The following TRIP4 variants were observed in gnomAD, a reference collection of about 807,000 sequenced individuals.
The protein encoded by TRIP4 is activating signal cointegrator 1.
In TRIP4, 54 loss-of-function variants were observed where a neutral mutation model predicts 81.8. That is an observed-to-expected ratio of 0.66 (90% CI 0.53 to 0.83). The LOEUF is 0.83. TRIP4 is among the 40% of genes least tolerant of loss of function. TRIP4 has a pLI of 0.00. For synonymous variants in TRIP4, 270 were observed against 242.8 expected, an observed-to-expected ratio of 1.11 and a Z score of -1.04; for missense variants, 662 against 683.6, an observed-to-expected ratio of 0.97 and a Z score of 0.35.
At chr15:64,435,444 G>T (rs943977392) in intron 11 of TRIP4, among the ~76,000 whole-genome samples, 8 of 150,068 alleles carry the variant, frequency 5.3e-5, no homozygotes, top group African/African-American at 2.0e-4. Flanking sequence ...GAGAATCCTT[G>T]GAACCTGGGT....
intron 12 of TRIP4, among the ~76,000 whole-genome samples, chr15:64,446,606 A>T (rs71409123): frequency 6.6e-6 from 1 of 150,598 alleles, no homozygotes; most frequent in Non-Finnish European, 1.5e-5. Context: ...GTTTCACCAT[A>T]TTGGCCAGGC....
chr15:64,410,021 T>G (rs1052205208), intron 7 of TRIP4, among the ~76,000 whole-genome samples, 193 bp downstream of exon 7: 2 of 151,426 alleles, frequency 1.3e-5, no homozygotes, highest in African/African-American at 2.4e-5. Context: ...TTTTTGTGGT[T>G]TGGTTTTTTT....
At chr15:64,399,143 G>A (rs1455751628) in intron 4 of TRIP4, among the ~76,000 whole-genome samples, 1 of 151,656 alleles carries the variant, frequency 6.6e-6, no homozygotes, top group Admixed American at 6.6e-5. Flanking sequence ...TAGAGACAGG[G>A]TTTCACCATA....
In TRIP4 at chr15:64,418,556, GGT is replaced by G; in HGVS notation, c.1188_1189del (p.Ala397SerfsTer35). 2 of 1,612,582 alleles carry G rather than the reference GGT, an allele frequency of 1.2e-6. No homozygotes were observed. The highest frequency in any genetic ancestry group is 1.7e-6 in the Non-Finnish European group (2 of 1,179,946). On this transcript the variant is annotated frameshift_variant, in exon 9 of 13. Transcript: ENST00000261884. LOFTEE classifies it high-confidence loss of function. ...QSPPQWVDHT[G>X]AASQKKAFRS... ...TTCTGTGTAGTGGGTTGACCACACA[GGT>G]GCAGCCTCACAGAAGAAGGCTTTCC...
intron 11 of TRIP4, among the ~76,000 whole-genome samples, chr15:64,430,687 C>G (rs1892249893): frequency 6.6e-6 from 1 of 152,130 alleles, no homozygotes; most frequent in African/African-American, 2.4e-5. Flanking sequence ...TCTGATTTGT[C>G]TGAAATCTCC....
In TRIP4 at chr15:64,406,249, T is replaced by C. The variant is rs542259371; in HGVS notation, c.698-81T>C. The C allele has an allele frequency of 2.8e-5, 43 of 1,539,328 alleles. No individual in the cohort carries two copies. The African/African-American group carries it at 4.5e-4, about 16-fold the overall frequency. ...ATCAGGCCAGAACCAGATCTTCTGA[T>C]GTTTTGTTCTTTGTTGCACACTGGT... On this transcript the variant is annotated intron_variant, in intron 5 of 12. Transcript: ENST00000261884.
chr15:64,402,800 A>T (rs1175760593), intron 5 of TRIP4, among the ~76,000 whole-genome samples: 1 of 151,086 alleles, frequency 6.6e-6, no homozygotes, highest in Non-Finnish European at 1.5e-5. Context: ...TGCTGAGATT[A>T]CAGGCGTGAG....
chr15:64,450,243 G>A (rs936191463), intron 12 of TRIP4, among the ~76,000 whole-genome samples: 1 of 151,996 alleles, frequency 6.6e-6, no homozygotes, highest in Non-Finnish European at 1.5e-5. Context: ...CAAAACATTA[G>A]CCAGACGTGG....
At position 64,389,109 on chromosome 15, in the gene TRIP4, A is replaced by G. The variant is rs114295713; in HGVS notation, c.101+1145A>G. 3.2e-3 allele frequency among the ~76,000 whole-genome samples: 490 copies of G among 152,320 alleles called. 1 individual carries two copies. The highest frequency in any genetic ancestry group is 0.011 in the African/African-American group (470 of 41,572). On this transcript the variant is annotated intron_variant, in intron 1 of 12. Transcript: ENST00000261884. ...TTGGAAAGGATAACTTTCACCCGAG[A>G]ACTAAGGAATAGACAGAGGTGGCGG...
rs1040098525 is a variant in TRIP4 at position 64,394,240 on chromosome 15, G to A, written c.271+125G>A. On this transcript the variant is annotated intron_variant, in intron 2 of 12. Coordinates refer to ENST00000261884, the MANE Select transcript of TRIP4 (RefSeq NM_016213.5). ...ACAGCTAACTTAAACAGAGTCATAT[G>A]TATACATATTTTTAGTTCGGTTCTA... is the stretch of plus-strand genomic sequence containing the variant. 20 of 764,780 alleles carry A rather than the reference G, an allele frequency of 2.6e-5. 1 individual carries two copies. Among genetic ancestry groups the A allele is most frequent in the Non-Finnish European group, 3.7e-5 (19 of 513,240 alleles). The allele number at this position is 764,780 out of a possible 1,614,324, so 47.4% of individuals were successfully genotyped here.
chr15:64,437,289 C>T (rs903296883), intron 11 of TRIP4, among the ~76,000 whole-genome samples: 4 of 150,676 alleles, frequency 2.7e-5, no homozygotes, highest in African/African-American at 9.7e-5. Flanking sequence ...CAGGCGCATA[C>T]CTATAATCCC....
chr15:64,433,423 A>C (rs1458188066), intron 11 of TRIP4, among the ~76,000 whole-genome samples: 1 of 152,122 alleles, frequency 6.6e-6, no homozygotes, highest in African/African-American at 2.4e-5. Context: ...CAACATAATG[A>C]AACCTCATCT....
intron 11 of TRIP4, among the ~76,000 whole-genome samples, chr15:64,434,997 C>G (rs1892357837): frequency 6.6e-6 from 1 of 151,300 alleles, no homozygotes; most frequent in South Asian, 2.1e-4. Flanking sequence ...GGGCAGGTCA[C>G]TTGAGCCCAG....
chr15:64,418,683 C>G lies in TRIP4; in HGVS notation c.1313C>G (p.Ser438Cys). 1.2e-6 allele frequency: 2 copies of G among 1,614,006 alleles called. No homozygotes were observed. Among genetic ancestry groups the G allele is most frequent in the Non-Finnish European group, 1.7e-6 (2 of 1,179,996 alleles). Reference sequence around the variant, plus strand: ...GGCTTTGATGGTGGCTGGTGCCTCTCTGTACATCAGCCCTGGGCTTCTCTG... The same window carrying G: ...GGCTTTGATGGTGGCTGGTGCCTCTGTGTACATCAGCCCTGGGCTTCTCTG... The part of the protein sequence containing the change: ...QEGFDGGWCL[S>C]VHQPWASLLV... Residue 438 changes from serine to cysteine, a missense_variant, in exon 9 of 13, where the codon TCT (serine) becomes TGT (cysteine). Ser to Cys is a moderately radical substitution (Grantham distance 112). Transcript: ENST00000261884.
intron 12 of TRIP4, among the ~76,000 whole-genome samples, chr15:64,454,415 G>C (rs1892840335): frequency 6.6e-6 from 1 of 152,104 alleles, no homozygotes; most frequent in Non-Finnish European, 1.5e-5. Context: ...AAGGTTGCTT[G>C]TTTTCTAAGT....
intron 12 of TRIP4, among the ~76,000 whole-genome samples, chr15:64,445,952 T>G (rs1892623850): frequency 6.6e-6 from 1 of 152,142 alleles, no homozygotes; most frequent in Admixed American, 6.6e-5. Context: ...TTGTCATTTA[T>G]CCATTTATTC....
chr15:64,413,841 C>T (rs1231762798), intron 7 of TRIP4, among the ~76,000 whole-genome samples: 2 of 152,122 alleles, frequency 1.3e-5, no homozygotes, highest in Non-Finnish European at 2.9e-5. Flanking sequence ...CCTCCTTGGC[C>T]TCCCAAAGTC....
intron 9 of TRIP4, among the ~76,000 whole-genome samples, chr15:64,419,409 A>T (rs1234574598): frequency 2.0e-5 from 3 of 151,218 alleles, no homozygotes; most frequent in African/African-American, 7.3e-5. Flanking sequence ...ACCAGGCTGG[A>T]GTGCAGTGGC....
intron 1 of TRIP4, among the ~76,000 whole-genome samples, chr15:64,392,236 T>C (rs534157728): frequency 6.6e-6 from 1 of 152,026 alleles, no homozygotes; most frequent in African/African-American, 2.4e-5. Flanking sequence ...AGATGGAGTT[T>C]GCAGTGAGCT....
Sources: allele counts gnomAD v4.1 joint callset (sites outside exome capture counted in the v4.1 genomes callset), GRCh38; gene constraint gnomAD v4.1.1; transcripts MANE v1.5; gene names NCBI Gene and HGNC (gene_info 2026-07-23, HGNC 2026-07-21).